Variants in JAKMIP3 observed in about 807,000 individuals in gnomAD.
JAKMIP3 encodes Janus kinase and microtubule interacting protein 3, also known as janus kinase and microtubule-interacting protein 3.
A neutral mutation model predicts 118.5 loss-of-function variants in JAKMIP3; 58 were observed. That is an observed-to-expected ratio of 0.49 (90% CI 0.40 to 0.61). JAKMIP3 has a LOEUF of 0.61. Ranked by LOEUF, JAKMIP3 falls within the 20% of genes least tolerant of loss-of-function variation. JAKMIP3 has a pLI of 0.00. For missense variants in JAKMIP3, 950 were observed against 1,109.0 expected (o/e 0.86, Z 2.04); for synonymous variants, 486 against 451.2 (o/e 1.08, Z -0.98).
At chr10:132,124,164 G>A (rs1023387945) in intron 3 of JAKMIP3, among the ~76,000 whole-genome samples, 2 of 152,230 alleles carry the variant, frequency 1.3e-5, no homozygotes, top group African/African-American at 4.8e-5. Context: ...CCAGCACTGG[G>A]GTGGGGGCCC....
chr10:132,165,487 A>C (rs1009499803), intron 21 of JAKMIP3, among the ~76,000 whole-genome samples: 1 of 152,156 alleles, frequency 6.6e-6, no homozygotes, highest in Non-Finnish European at 1.5e-5. Context: ...TAAATCTGCT[A>C]TGCGGTGGAG....
chr10:132,180,712 T>TGTGTGC (rs2061127559), intron 23 of JAKMIP3, among the ~76,000 whole-genome samples: 3 of 26,540 alleles, frequency 1.1e-4, no homozygotes, highest in East Asian at 3.3e-3. Flanking sequence ...TGTGTGCGCG[T>TGTGTGC]GTGTGTGCGT....
chr10:132,152,716 T>C (rs940685008), intron 16 of JAKMIP3, among the ~76,000 whole-genome samples: 2 of 152,078 alleles, frequency 1.3e-5, no homozygotes, highest in African/African-American at 4.8e-5. Context: ...CTAGACCTGG[T>C]GATTACCAGC....
At chr10:132,080,486 T>G (rs528814242) in intron 1 of JAKMIP3, among the ~76,000 whole-genome samples, 2 of 151,218 alleles carry the variant, frequency 1.3e-5, no homozygotes, top group Admixed American at 1.3e-4. Flanking sequence ...TTTATTTTCT[T>G]GCTGTCAAGT....
intron 23 of JAKMIP3, among the ~76,000 whole-genome samples, chr10:132,170,686 C>T (rs1053616956): frequency 1.3e-5 from 2 of 152,168 alleles, no homozygotes; most frequent in African/African-American, 4.8e-5. Flanking sequence ...CAGGCCACAC[C>T]GTCATCAGGG....
chr10:132,043,914 T>A (rs1308574308), intron 1 of JAKMIP3, among the ~76,000 whole-genome samples: 1 of 152,248 alleles, frequency 6.6e-6, no homozygotes, highest in Admixed American at 6.5e-5. Flanking sequence ...CAAGTTGAGT[T>A]TTTTGCTTTT....
At chr10:132,110,805 CAGGG>C (rs2046743914) in intron 2 of JAKMIP3, among the ~76,000 whole-genome samples, 1 of 152,242 alleles carries the variant, frequency 6.6e-6, no homozygotes, top group Non-Finnish European at 1.5e-5. Context: ...GAGGGGCTCA[CAGGG>C]AGGGCTCTCG....
At chr10:132,054,996 G>A (rs2008286) in intron 1 of JAKMIP3, among the ~76,000 whole-genome samples, 81,243 of 147,298 alleles carry the variant, frequency 0.55, 23,028 homozygotes, top group East Asian at 0.71. Context: ...TGGGGATAGT[G>A]AGAGTCCTGC....
In JAKMIP3 at chr10:132,039,031, A is replaced by ACAT. The variant is rs148854477; in HGVS notation, c.-138+2296_-138+2298dup. On this transcript the variant is annotated intron_variant, in intron 1 of 23. Transcript: ENST00000657785. ...CCACACGGGGAACCAGGCTCAGGCC[A>ACAT]CATCAAGGAGCATGCAGTTCAGCAA... Among the ~76,000 whole-genome samples the ACAT allele has an allele frequency of 4.2e-3, 639 of 152,360 alleles. 3 individuals carry two copies. The highest frequency in any genetic ancestry group is 0.015 in the African/African-American group (605 of 41,590).
At chr10:132,164,866 G>A (rs973463129) in intron 21 of JAKMIP3, 131 bp downstream of exon 21, 17 of 670,328 alleles carry the variant, frequency 2.5e-5, no homozygotes, top group South Asian at 5.5e-5. Context: ...AGCGGGAAGC[G>A]GCCGCCTGGA....
intron 1 of JAKMIP3, among the ~76,000 whole-genome samples, chr10:132,084,150 A>T (rs996571999): frequency 1.3e-5 from 2 of 152,146 alleles, no homozygotes; most frequent in African/African-American, 2.4e-5. Flanking sequence ...TACAATATTG[A>T]TTCTACCCAT....
At chr10:132,165,738 T>TGCCCC (rs1440166783) in intron 21 of JAKMIP3, among the ~76,000 whole-genome samples, 1 of 152,234 alleles carries the variant, frequency 6.6e-6, no homozygotes, top group African/African-American at 2.4e-5. Flanking sequence ...ACCCTAGCCC[T>TGCCCC]GCCCCGCCCC....
intron 17 of JAKMIP3, 35 bp from the exon 18 acceptor site, chr10:132,153,724 G>A: frequency 6.2e-7 from 1 of 1,606,710 alleles, no homozygotes; most frequent in African/African-American, 1.3e-5. Context: ...GGGGACCCTA[G>A]GGGTCACTGT....
Position 132,117,305 on chromosome 10 carries a change from G to A in JAKMIP3, c.364G>A (p.Ala122Thr). The A allele has an allele frequency of 1.2e-6, 2 of 1,613,994 alleles. No individual in the cohort carries two copies. The highest frequency in any genetic ancestry group is 1.7e-6 in the Non-Finnish European group (2 of 1,179,908). ...ENQRLQALLS[A>T]LRDGGPEKVK... The stretch of plus-strand genomic sequence containing the variant: ...CCAGCGGCTGCAGGCACTGCTCAGT[G>A]CCCTGCGTGATGGCGGCCCCGAAAA... The change falls in exon 3 of 24, where the codon GCC becomes ACC. Residue 122 changes from alanine to threonine, a missense_variant. By Grantham distance (58) the Ala-to-Thr change is moderately conservative. Transcript: ENST00000684848. The surrounding 1 kb of genome is among the most constrained non-coding windows in gnomAD (Gnocchi z 8.6).
At chr10:132,154,750 C>A (rs1479370011) in intron 19 of JAKMIP3, among the ~76,000 whole-genome samples, 1 of 151,808 alleles carries the variant, frequency 6.6e-6, no homozygotes, top group African/African-American at 2.4e-5. Context: ...CCAAGTTCAG[C>A]CTGGGAACTC....
intron 1 of JAKMIP3, among the ~76,000 whole-genome samples, chr10:132,090,932 C>T (rs1235485776): frequency 2.6e-5 from 4 of 152,120 alleles, no homozygotes; most frequent in Non-Finnish European, 5.9e-5. Flanking sequence ...ATAAATTTCC[C>T]TCTACACACT....
At chr10:132,101,655 G>T (rs754610740) in intron 1 of JAKMIP3, among the ~76,000 whole-genome samples, 5 of 152,084 alleles carry the variant, frequency 3.3e-5, no homozygotes, top group Non-Finnish European at 5.9e-5. Flanking sequence ...ACAGAGAGTG[G>T]TGCGGCAGCC....
At chr10:132,178,329 TGA>T (rs2060380443) in intron 23 of JAKMIP3, among the ~76,000 whole-genome samples, 1 of 152,034 alleles carries the variant, frequency 6.6e-6, no homozygotes, top group Non-Finnish European at 1.5e-5. Context: ...TCTGTAGAGT[TGA>T]GAGAGACCCC....
At chr10:132,151,336 T>C (rs947166275) in intron 16 of JAKMIP3, among the ~76,000 whole-genome samples, 1 of 152,192 alleles carries the variant, frequency 6.6e-6, no homozygotes, top group African/African-American at 2.4e-5. Context: ...CCTACCTTCA[T>C]TGACCTTCCA....
Sources: gnomAD v4.1 joint callset for allele counts (sites outside exome capture counted in the v4.1 genomes callset) on GRCh38, gnomAD v4.1.1 for gene constraint, Gnocchi (gnomAD v3.1) non-coding constraint, MANE v1.5 for transcripts, NCBI Gene and HGNC (gene_info 2026-07-23, HGNC 2026-07-21) for gene names.